The following SLC35D1 variants were observed in gnomAD, a reference collection of about 807,000 sequenced individuals.
SLC35D1 encodes nucleotide sugar transporter SLC35D1.
Under a neutral mutation model 46.7 loss-of-function variants are expected in SLC35D1, and 31 were observed. The ratio of observed to expected loss-of-function variants is 0.66; its 90% CI spans 0.50 to 0.90. The LOEUF (loss-of-function observed/expected upper bound fraction) is 0.90, where lower values mean the gene tolerates loss of function less well. Among genes scored for constraint, SLC35D1 ranks in the 40% least tolerant of loss-of-function variants. The pLI, the probability that SLC35D1 is intolerant of heterozygous loss-of-function variation, is 0.00. For missense variants in SLC35D1, 397 were observed against 426.2 expected (o/e 0.93, Z 0.60); for synonymous variants, 195 against 164.6 (o/e 1.18, Z -1.41).
At chr1:67,032,764 AC>A (rs1292763387) in intron 8 of SLC35D1, among the ~76,000 whole-genome samples, 3 of 152,158 alleles carry the variant, frequency 2.0e-5, no homozygotes, top group Non-Finnish European at 2.9e-5. Flanking sequence ...TGTATTACAA[AC>A]AATCCAATTA....
Position 67,002,507 on chromosome 1 carries a change from T to C in SLC35D1, c.*1833A>G, listed in dbSNP as rs11208986. 17,472 of 152,050 alleles carry C rather than the reference T, an allele frequency of 0.11. 2,426 individuals carry two copies. The highest frequency in any genetic ancestry group is 0.34 in the African/African-American group (14,007 of 41,392). 9.4% of individuals were successfully genotyped at this position (152,050 alleles called of 1,614,324 possible). ...TTTCTCATTGGTAAAATAGGGAGAG[T>C]AAGACCCATATGACACAAGATACTA... On this transcript the variant is annotated 3_prime_UTR_variant, in exon 12 of 12. Coordinates refer to ENST00000235345, the MANE Select transcript of SLC35D1 (RefSeq NM_015139.3).
chr1:67,053,948 T>G lies in SLC35D1; in HGVS notation c.66A>C (p.Thr22=). ...TCCCCAGCTCCTCCTCATCTCGGAGTGTGGAGGATTTCGCGGGGGCTTCTC... is the reference window on the plus strand; with the variant it reads ...TCCCCAGCTCCTCCTCATCTCGGAGGGTGGAGGATTTCGCGGGGGCTTCTC... ...VKGEAPAKSS[T]LRDEEELGMA... The change falls in exon 1 of 12, where the codon ACA becomes ACC. Residue 22 remains threonine, a synonymous_variant. Coordinates refer to ENST00000235345, the MANE Select transcript of SLC35D1 (RefSeq NM_015139.3). 6 of 1,613,308 alleles carry G rather than the reference T, an allele frequency of 3.7e-6. No homozygotes were observed. The highest frequency in any genetic ancestry group is 5.1e-6 in the Non-Finnish European group (6 of 1,179,596).
At chr1:67,009,051 C>A in intron 11 of SLC35D1, 34 bp downstream of exon 11, 1 of 1,012,810 alleles carries the variant, frequency 9.9e-7, no homozygotes, top group South Asian at 1.3e-5. Context: ...TATCCAATTC[C>A]GATTTTGCAA....
At chr1:67,020,468 TA>T (rs746800809) in intron 9 of SLC35D1, 21 bp from the exon 10 acceptor site, 31 of 1,530,218 alleles carry the variant, frequency 2.0e-5, no homozygotes, top group Non-Finnish European at 2.6e-5. Flanking sequence ...GAAAGAGGTA[TA>T]AAATCCAGTT....
At chr1:66,998,833 G>A (rs1264695722), downstream of SLC35D1, among the ~76,000 whole-genome samples, 1 of 152,162 alleles carries the variant, frequency 6.6e-6, no homozygotes, top group African/African-American at 2.4e-5. Context: ...GATGACTGAG[G>A]TGAGGGGAAA....
the SLC35D1 span, among the ~76,000 whole-genome samples, chr1:66,983,850 T>C: frequency 1.8e-4 from 27 of 152,132 alleles, no homozygotes; most frequent in Non-Finnish European, 2.6e-4. Flanking sequence ...GCCTCAGCCT[T>C]CCGAGTAGCT....
At chr1:67,021,712 G>GACACACACAC (rs1238454225) in intron 8 of SLC35D1, 110 bp from the exon 9 acceptor site, 10 of 353,472 alleles carry the variant, frequency 2.8e-5, no homozygotes, top group African/African-American at 2.7e-4. Context: ...CACAGACACA[G>GACACACACAC]ACACAGACAC....
At chr1:67,042,141 C>G in intron 8 of SLC35D1, 95 bp downstream of exon 8, 1 of 1,183,526 alleles carries the variant, frequency 8.4e-7, no homozygotes, top group Non-Finnish European at 1.3e-6. Context: ...ACTTAATAAG[C>G]ATATTTCTTT....
intron 7 of SLC35D1, among the ~76,000 whole-genome samples, chr1:67,045,648 T>C (rs1250679763): frequency 1.3e-5 from 2 of 152,148 alleles, no homozygotes; most frequent in Non-Finnish European, 2.9e-5. Flanking sequence ...CTCAGAAACT[T>C]TGATTTTTTT....
intron 3 of SLC35D1, 109 bp from the exon 4 acceptor site, chr1:67,052,188 A>T (rs1645316609): frequency 1.3e-6 from 1 of 797,704 alleles, no homozygotes. Context: ...TTTCCACTTA[A>T]AACGTAAAAT....
intron 9 of SLC35D1, among the ~76,000 whole-genome samples, chr1:67,020,960 T>C (rs1208258361): frequency 6.6e-6 from 1 of 152,206 alleles, no homozygotes; most frequent in Non-Finnish European, 1.5e-5. Context: ...TCAGCTTAAG[T>C]ACCAAGGCAT....
At chr1:66,985,814 ATTTT>A in the SLC35D1 span, 43,457 of 625,348 alleles carry the variant, frequency 0.069, 346 homozygotes, top group East Asian at 0.073. Flanking sequence ...GGATTATAAA[ATTTT>A]TTTTTTTTTT....
At chr1:66,974,652 TGA>T in the SLC35D1 span, among the ~76,000 whole-genome samples, 4 of 152,246 alleles carry the variant, frequency 2.6e-5, no homozygotes, top group East Asian at 7.7e-4. Context: ...AGTATAACCT[TGA>T]TTTCTCATAA....
intron 11 of SLC35D1, among the ~76,000 whole-genome samples, chr1:67,006,938 A>G (rs1256022905): frequency 1.3e-5 from 2 of 151,238 alleles, no homozygotes; most frequent in Admixed American, 6.6e-5. Context: ...ACAGATGTTC[A>G]ATCTACACTA....
At chr1:66,974,028 A>C in the SLC35D1 span, among the ~76,000 whole-genome samples, 1 of 152,010 alleles carries the variant, frequency 6.6e-6, no homozygotes, top group African/African-American at 2.4e-5. Flanking sequence ...TATTAATAAA[A>C]TATTTACAAA....
intron 8 of SLC35D1, among the ~76,000 whole-genome samples, chr1:67,025,642 A>G (rs1667900936): frequency 6.6e-6 from 1 of 152,256 alleles, no homozygotes; most frequent in Non-Finnish European, 1.5e-5. Context: ...TGTTGAATCT[A>G]TAGATGAATT....
In SLC35D1 at chr1:67,030,671, T is replaced by G. The variant is rs1033675126; in HGVS notation, c.730-9069A>C. 2.6e-5 allele frequency among the ~76,000 whole-genome samples: 4 copies of G among 152,080 alleles called. No homozygotes were observed. The South Asian group carries it at 8.3e-4, about 31-fold the overall frequency. ...ACCTCAAATAAACCTCTCATAAACCTAAGTTTCTTCTCTCCTCTAGCTCTA... is the reference window on the plus strand; with the variant it reads ...ACCTCAAATAAACCTCTCATAAACCGAAGTTTCTTCTCTCCTCTAGCTCTA... On this transcript the variant is annotated intron_variant, in intron 8 of 11. Coordinates refer to ENST00000235345, the MANE Select transcript of SLC35D1 (RefSeq NM_015139.3).
intron 3 of SLC35D1, 67 bp from the exon 4 acceptor site, chr1:67,052,146 CAG>C (rs768373214): frequency 3.0e-4 from 340 of 1,149,984 alleles, no homozygotes; most frequent in Admixed American, 7.0e-4. Flanking sequence ...TCCTTTCAAA[CAG>C]AAACAATTTT....
intron 8 of SLC35D1, among the ~76,000 whole-genome samples, chr1:67,030,355 T>G (rs1328652469): frequency 1.3e-5 from 2 of 152,224 alleles, no homozygotes; most frequent in African/African-American, 4.8e-5. Flanking sequence ...CTTTCCTGGC[T>G]AAGCTATTCT....
Sources: gnomAD v4.1 joint callset for allele counts (sites outside exome capture counted in the v4.1 genomes callset) on GRCh38, gnomAD v4.1.1 for gene constraint, MANE v1.5 for transcripts, NCBI Gene and HGNC (gene_info 2026-07-23, HGNC 2026-07-21) for gene names.